Variants in CADPS2 observed in about 807,000 individuals in gnomAD.
The protein encoded by CADPS2 is calcium dependent secretion activator 2, also known as calcium-dependent secretion activator 2.
In CADPS2, 93 loss-of-function variants were observed where a neutral mutation model predicts 172.5. The observed-to-expected ratio is 0.54, with a 90% confidence interval of 0.46 to 0.64. CADPS2 has a LOEUF of 0.64. Ranked by LOEUF, CADPS2 falls within the 30% of genes least tolerant of loss-of-function variation. The pLI, the probability that CADPS2 is intolerant of heterozygous loss-of-function variation, is 0.00. For synonymous variants in CADPS2, 546 were observed against 555.2 expected, an observed-to-expected ratio of 0.98 and a Z score of 0.23; for missense variants, 1,420 against 1,565.9, an observed-to-expected ratio of 0.91 and a Z score of 1.57.
chr7:122,487,792 G>T (rs192188461), intron 11 of CADPS2, among the ~76,000 whole-genome samples: 1 of 152,134 alleles, frequency 6.6e-6, no homozygotes, highest in Non-Finnish European at 1.5e-5. Flanking sequence ...CTCTGGAGGA[G>T]TGAATAGAAA....
At position 122,611,928 on chromosome 7, in the gene CADPS2, ACAT is replaced by A. The variant is rs2074345593; in HGVS notation, c.1223+3250_1223+3252del. 2.0e-5 allele frequency among the ~76,000 whole-genome samples: 3 copies of A among 152,110 alleles called. No homozygotes were observed. In the South Asian group the frequency reaches 6.2e-4, roughly 31 times the overall value. Reference sequence around the variant, plus strand: ...ACACCTGAAAATCAAATAATGTATTACATCATATCAACAGAATAAAAGACAAAA... The same window carrying A: ...ACACCTGAAAATCAAATAATGTATTACATATCAACAGAATAAAAGACAAAA... On this transcript the variant is annotated intron_variant, in intron 6 of 29. Transcript: ENST00000449022.
rs141392486 is a variant in CADPS2, at chr7:122,743,906, C to A, written c.340-6838G>T. On this transcript the variant is annotated intron_variant, in intron 1 of 29. Transcript: ENST00000449022. Reference sequence around the variant, plus strand: ...TCAGAAAAATAGGGGGTTCCAGCTACGTCTCATACATTATAAACCCTGTGG... The same window carrying A: ...TCAGAAAAATAGGGGGTTCCAGCTAAGTCTCATACATTATAAACCCTGTGG... Among the ~76,000 whole-genome samples, 615 of 152,252 alleles carry A rather than the reference C, an allele frequency of 4.0e-3. 10 individuals are homozygous for A. Among genetic ancestry groups the A allele is most frequent in the African/African-American group, 0.014 (600 of 41,548 alleles).
intron 25 of CADPS2, chr7:122,366,686 T>TATAC (rs1491094919): frequency 1.4e-3 from 91 of 65,030 alleles, no homozygotes; most frequent in Middle Eastern, 9.1e-3. Flanking sequence ...TATATATACG[T>TATAC]ATATATATAT....
At chr7:122,884,068 C>T (rs1374852248) in intron 1 of CADPS2, among the ~76,000 whole-genome samples, 1 of 152,094 alleles carries the variant, frequency 6.6e-6, no homozygotes, top group Non-Finnish European at 1.5e-5. Context: ...CAAGTATTCA[C>T]AGTATAAATC....
At chr7:122,722,499 C>G (rs1303996294) in intron 2 of CADPS2, among the ~76,000 whole-genome samples, 2 of 151,564 alleles carry the variant, frequency 1.3e-5, no homozygotes, top group Non-Finnish European at 2.9e-5. Context: ...TGTGAAGGAC[C>G]TCTTCAAGGA....
chr7:122,484,679 T>C (rs1051868164), intron 11 of CADPS2, among the ~76,000 whole-genome samples: 9 of 147,486 alleles, frequency 6.1e-5, no homozygotes, highest in Non-Finnish European at 1.4e-4. Flanking sequence ...TTTTTTTTTT[T>C]CTGAAAGTCA....
intron 1 of CADPS2, among the ~76,000 whole-genome samples, chr7:122,781,961 G>A (rs1002143852): frequency 1.3e-5 from 2 of 152,076 alleles, no homozygotes; most frequent in Non-Finnish European, 2.9e-5. Context: ...TTCATCTAAG[G>A]ACATGAAATG....
intron 6 of CADPS2, among the ~76,000 whole-genome samples, chr7:122,607,347 G>A (rs1243104947): frequency 1.3e-5 from 2 of 152,122 alleles, no homozygotes; most frequent in Non-Finnish European, 2.9e-5. Context: ...GAGAGAGAGA[G>A]ATCCTAGAGT....
At chr7:122,441,077 TTGAA>T (rs1563345274) in intron 16 of CADPS2, among the ~76,000 whole-genome samples, 1 of 152,110 alleles carries the variant, frequency 6.6e-6, no homozygotes, top group Non-Finnish European at 1.5e-5. Flanking sequence ...GAGATGAATA[TTGAA>T]TGAATGAAAT....
chr7:122,672,892 C>T (rs1256123967), intron 2 of CADPS2, among the ~76,000 whole-genome samples: 1 of 152,210 alleles, frequency 6.6e-6, no homozygotes, highest in Non-Finnish European at 1.5e-5. Flanking sequence ...CACGGACCCT[C>T]GCGGTGAGTG....
intron 1 of CADPS2, among the ~76,000 whole-genome samples, chr7:122,768,047 G>A (rs973960053): frequency 2.6e-5 from 4 of 152,156 alleles, no homozygotes; most frequent in South Asian, 2.1e-4. Flanking sequence ...ATTACCATCT[G>A]CAGCCAGTTG....
At chr7:122,729,467 T>C (rs2091431303) in intron 2 of CADPS2, among the ~76,000 whole-genome samples, 1 of 151,866 alleles carries the variant, frequency 6.6e-6, no homozygotes, top group Non-Finnish European at 1.5e-5. Context: ...GAGGTTGTAC[T>C]AGTTTACATT....
chr7:122,854,330 C>T (rs775114075), intron 1 of CADPS2, among the ~76,000 whole-genome samples: 22 of 152,000 alleles, frequency 1.4e-4, no homozygotes, highest in South Asian at 4.1e-4. Flanking sequence ...ATGATCATGC[C>T]GCTGCGCTCC....
At chr7:122,467,852 C>A (rs986140178) in intron 14 of CADPS2, among the ~76,000 whole-genome samples, 3 of 152,138 alleles carry the variant, frequency 2.0e-5, no homozygotes, top group Non-Finnish European at 4.4e-5. Context: ...CAGTCCTCAG[C>A]GGCACTATGG....
chr7:122,348,934 A>G (rs1334134632), intron 27 of CADPS2, among the ~76,000 whole-genome samples: 1 of 152,184 alleles, frequency 6.6e-6, no homozygotes, highest in Admixed American at 6.5e-5. Flanking sequence ...TCGCTGGTTC[A>G]ATGCTCCCAT....
chr7:122,745,153 G>A (rs2092671004), intron 1 of CADPS2, among the ~76,000 whole-genome samples: 1 of 151,818 alleles, frequency 6.6e-6, no homozygotes, highest in South Asian at 2.1e-4. Context: ...CAGGAGCGGT[G>A]AGAACATTTA....
At chr7:122,684,096 C>T (rs1245186010) in intron 2 of CADPS2, among the ~76,000 whole-genome samples, 1 of 151,894 alleles carries the variant, frequency 6.6e-6, no homozygotes, top group African/African-American at 2.4e-5. Context: ...CATTTATTTC[C>T]ATGCTAAATA....
chr7:122,506,357 A>C (rs1344815229), intron 9 of CADPS2, among the ~76,000 whole-genome samples: 2 of 152,200 alleles, frequency 1.3e-5, no homozygotes, highest in Non-Finnish European at 2.9e-5. Context: ...GGATTTGTTG[A>C]GAATTGGGAG....
chr7:122,330,009 GATGT>G (rs1462652549), intron 28 of CADPS2, among the ~76,000 whole-genome samples: 2 of 152,136 alleles, frequency 1.3e-5, no homozygotes, highest in African/African-American at 2.4e-5. Context: ...ACAACTAGTT[GATGT>G]ATTTTTATTC....
Sources: allele counts gnomAD v4.1 joint callset (sites outside exome capture counted in the v4.1 genomes callset), GRCh38; gene constraint gnomAD v4.1.1; transcripts MANE v1.5; gene names NCBI Gene and HGNC (gene_info 2026-07-23, HGNC 2026-07-21).